Variants in MACROD2 observed in about 807,000 individuals in gnomAD.
MACROD2 encodes the protein mono-ADP ribosylhydrolase 2.
Under a neutral mutation model 70.4 loss-of-function variants are expected in MACROD2, and 36 were observed. The ratio of observed to expected loss-of-function variants is 0.51; its 90% CI spans 0.39 to 0.68. The LOEUF (loss-of-function observed/expected upper bound fraction) is 0.68. MACROD2 is among the 30% of genes least tolerant of loss of function. The probability of loss-of-function intolerance (pLI) is 0.00; values close to 1 mark genes in which losing one functional copy is unlikely to be tolerated. For synonymous variants in MACROD2, 172 were observed against 178.8 expected, an observed-to-expected ratio of 0.96 and a Z score of 0.30; for missense variants, 496 against 538.4, an observed-to-expected ratio of 0.92 and a Z score of 0.78.
At chr20:15,195,473 GA>G (rs1206781337) in intron 5 of MACROD2, among the ~76,000 whole-genome samples, 1 of 151,466 alleles carries the variant, frequency 6.6e-6, no homozygotes, top group South Asian at 2.1e-4. Flanking sequence ...CAACAAACAT[GA>G]AAAAAAAGTT....
At chr20:14,317,463 A>G (rs1030869148) in intron 3 of MACROD2, among the ~76,000 whole-genome samples, 3 of 152,078 alleles carry the variant, frequency 2.0e-5, no homozygotes, top group Non-Finnish European at 2.9e-5. Context: ...AAAAACACAA[A>G]AAATTAGCTG....
intron 3 of MACROD2, among the ~76,000 whole-genome samples, chr20:14,182,717 A>G (rs1012663493): frequency 2.0e-5 from 3 of 152,104 alleles, no homozygotes; most frequent in Admixed American, 2.0e-4. Flanking sequence ...CTTAAGTGTG[A>G]GATGAAAAAG....
intron 6 of MACROD2, among the ~76,000 whole-genome samples, chr20:15,405,285 ATTATC>A (rs1286016054): frequency 1.5e-4 from 23 of 152,172 alleles, no homozygotes; most frequent in African/African-American, 3.4e-4. Flanking sequence ...AATGATTAAT[ATTATC>A]TTATCTTATG....
chr20:15,190,297 T>G (rs186299124), intron 5 of MACROD2, among the ~76,000 whole-genome samples: 27 of 152,014 alleles, frequency 1.8e-4, no homozygotes, highest in Non-Finnish European at 5.9e-5. Flanking sequence ...AGGAAAGGAG[T>G]GCTGGGTGAT....
chr20:15,235,557 A>G (rs2077006497), intron 6 of MACROD2, among the ~76,000 whole-genome samples: 1 of 152,182 alleles, frequency 6.6e-6, no homozygotes, highest in African/African-American at 2.4e-5. Context: ...CAATTTTGGA[A>G]TTCTGCATTT....
At chr20:14,388,902 G>C (rs116356520) in intron 3 of MACROD2, among the ~76,000 whole-genome samples, 1,977 of 152,150 alleles carry the variant, frequency 0.013, 41 homozygotes, top group African/African-American at 0.045. Context: ...TTTTGAGATA[G>C]AGTCTCATTC....
intron 3 of MACROD2, among the ~76,000 whole-genome samples, chr20:14,356,498 C>CTTTTTTTTTTT (rs71190132): frequency 1.3e-5 from 1 of 76,784 alleles, no homozygotes; most frequent in African/African-American, 4.7e-5. Flanking sequence ...GATCTACTTT[C>CTTTTTTTTTTT]TTTTTTTTTT....
At chr20:14,348,140 G>A (rs1301107093) in intron 3 of MACROD2, among the ~76,000 whole-genome samples, 5 of 151,716 alleles carry the variant, frequency 3.3e-5, no homozygotes, top group African/African-American at 4.8e-5. Context: ...GTGGTGGTAC[G>A]CACCTGTAGT....
At chr20:14,788,052 T>A (rs2072396826) in intron 5 of MACROD2, among the ~76,000 whole-genome samples, 1 of 152,118 alleles carries the variant, frequency 6.6e-6, no homozygotes, top group Admixed American at 6.5e-5. Flanking sequence ...GTGTGTATTT[T>A]CTAAATATTG....
At chr20:14,140,906 A>G (rs1206286479) in intron 3 of MACROD2, among the ~76,000 whole-genome samples, 1 of 152,144 alleles carries the variant, frequency 6.6e-6, no homozygotes, top group Non-Finnish European at 1.5e-5. Context: ...CAAAGTTGAA[A>G]TTTACCACAT....
intron 5 of MACROD2, among the ~76,000 whole-genome samples, chr20:15,026,875 G>A (rs1442293789): frequency 6.6e-6 from 1 of 152,178 alleles, no homozygotes; most frequent in Non-Finnish European, 1.5e-5. Context: ...TGTCTTAGTG[G>A]AAATCAGGCT....
At chr20:14,173,431 A>T (rs1463440158) in intron 3 of MACROD2, among the ~76,000 whole-genome samples, 1 of 151,926 alleles carries the variant, frequency 6.6e-6, no homozygotes, top group African/African-American at 2.4e-5. Flanking sequence ...TGTGTTTTGC[A>T]TTTCTCTAAG....
intron 8 of MACROD2, among the ~76,000 whole-genome samples, chr20:15,848,302 C>T (rs186461818): frequency 2.2e-3 from 332 of 152,194 alleles, no homozygotes; most frequent in Middle Eastern, 0.017. Flanking sequence ...GGATTCCCAG[C>T]CCCCGTGCAG....
At chr20:15,771,813 G>A (rs988449455) in intron 8 of MACROD2, among the ~76,000 whole-genome samples, 1 of 151,756 alleles carries the variant, frequency 6.6e-6, no homozygotes, top group East Asian at 2.0e-4. Context: ...GGCCAGGCAC[G>A]GTGGCTCATG....
chr20:14,380,459 G>A lies in MACROD2; in HGVS notation c.272-113020G>A, dbSNP rs955527859. On this transcript the variant is annotated intron_variant, in intron 3 of 17. Transcript: ENST00000684519. The stretch of plus-strand genomic sequence containing the variant: ...TTTTTTCTTTTTTGTGTGTGCTTTT[G>A]TTATCCTATCTGGTACTCAATTGCC... 4.0e-5 allele frequency among the ~76,000 whole-genome samples: 6 copies of A among 151,746 alleles called. No homozygotes were observed. In the South Asian group the frequency reaches 1.2e-3, roughly 32 times the overall value.
chr20:15,715,228 A>G (rs1232833791), intron 8 of MACROD2, among the ~76,000 whole-genome samples: 9 of 124,560 alleles, frequency 7.2e-5, no homozygotes, highest in Non-Finnish European at 1.7e-4. Flanking sequence ...TAGTGTGATT[A>G]AAAAAAAATC....
chr20:15,773,292 G>A (rs2051667606), intron 8 of MACROD2, among the ~76,000 whole-genome samples: 1 of 152,030 alleles, frequency 6.6e-6, no homozygotes, highest in African/African-American at 2.4e-5. Flanking sequence ...TGTAAATCAG[G>A]GAGTGCTATT....
At chr20:14,531,688 A>G (rs1274807666) in intron 4 of MACROD2, among the ~76,000 whole-genome samples, 1 of 152,200 alleles carries the variant, frequency 6.6e-6, no homozygotes, top group Non-Finnish European at 1.5e-5. Context: ...AGTTTACCAG[A>G]TGTTCTCATC....
chr20:14,850,723 A>T (rs2073190819), intron 5 of MACROD2, among the ~76,000 whole-genome samples: 1 of 152,146 alleles, frequency 6.6e-6, no homozygotes, highest in Non-Finnish European at 1.5e-5. Context: ...GTGTTTTCTT[A>T]GTTGGAATTA....
Sources: gnomAD v4.1 joint callset for allele counts (sites outside exome capture counted in the v4.1 genomes callset) on GRCh38, gnomAD v4.1.1 for gene constraint, MANE v1.5 for transcripts, NCBI Gene and HGNC (gene_info 2026-07-23, HGNC 2026-07-21) for gene names.